MECOM: variants seen among roughly 807,000 people sequenced by gnomAD.
MECOM encodes the protein MDS1 and EVI1 complex locus.
MECOM carries 13 observed loss-of-function variants against 116.3 expected under a neutral mutation model. That is an observed-to-expected ratio of 0.11 (90% CI 0.07 to 0.18). MECOM has a LOEUF of 0.18. Among genes scored for constraint, MECOM ranks in the 10% least tolerant of loss-of-function variants. The pLI is 1.00. For missense variants in MECOM, 1,299 were observed against 1,509.0 expected (o/e 0.86, Z 2.31); for synonymous variants, 528 against 535.2 (o/e 0.99, Z 0.19).
At chr3:169,189,253 G>T (rs1416196321) in intron 2 of MECOM, among the ~76,000 whole-genome samples, 1 of 151,954 alleles carries the variant, frequency 6.6e-6, no homozygotes, top group Admixed American at 6.6e-5. Flanking sequence ...TGACTCTTTT[G>T]CTTGCACTAA....
chr3:169,320,884 G>A (rs1205093266), intron 2 of MECOM, among the ~76,000 whole-genome samples: 1 of 152,150 alleles, frequency 6.6e-6, no homozygotes, highest in Admixed American at 6.5e-5. Flanking sequence ...GCCCTTTTGT[G>A]AGCATATATT....
At chr3:169,195,210 A>G (rs1052564065) in intron 2 of MECOM, among the ~76,000 whole-genome samples, 1 of 152,088 alleles carries the variant, frequency 6.6e-6, no homozygotes, top group East Asian at 1.9e-4. Context: ...ATGTTCCATT[A>G]TAATTAAACA....
chr3:169,603,643 T>C (rs192527187), intron 1 of MECOM, among the ~76,000 whole-genome samples: 147 of 152,338 alleles, frequency 9.6e-4, no homozygotes, highest in Non-Finnish European at 1.6e-3. Context: ...ATTTTTACTA[T>C]ACATTTTCTA....
rs115399122 is a variant in MECOM, at chr3:169,607,018, G to A, written c.37+56318C>T. On this transcript the variant is annotated intron_variant, in intron 1 of 16. Coordinates refer to ENST00000651503, the MANE Select transcript of MECOM (RefSeq NM_004991.4). ...GACAGAGAAGGGGAATAGATATTGG[G>A]AGAAAATTTGGAGTCTCCGCCATTT... 8.4e-3 allele frequency among the ~76,000 whole-genome samples: 1,279 copies of A among 152,252 alleles called. 11 individuals carry two copies. Among genetic ancestry groups the A allele is most frequent in the Middle Eastern group, 0.034 (10 of 294 alleles).
At chr3:169,469,050 T>TA (rs1296762160) in intron 1 of MECOM, among the ~76,000 whole-genome samples, 1 of 152,166 alleles carries the variant, frequency 6.6e-6, no homozygotes, top group African/African-American at 2.4e-5. Flanking sequence ...ATTAATATTC[T>TA]AATAGTAAAG....
At chr3:169,236,431 A>G (rs1450002622) in intron 2 of MECOM, among the ~76,000 whole-genome samples, 1 of 152,212 alleles carries the variant, frequency 6.6e-6, no homozygotes, top group Non-Finnish European at 1.5e-5. Flanking sequence ...AACATGAGTA[A>G]ATGAATACAT....
At chr3:169,409,645 A>G (rs1051007373) in intron 1 of MECOM, among the ~76,000 whole-genome samples, 1 of 152,236 alleles carries the variant, frequency 6.6e-6, no homozygotes, top group Non-Finnish European at 1.5e-5. Context: ...TTTTTCAAAT[A>G]GACGCTTTGC....
chr3:169,413,829 C>T (rs1738033867), intron 1 of MECOM, among the ~76,000 whole-genome samples: 1 of 152,192 alleles, frequency 6.6e-6, no homozygotes, highest in Admixed American at 6.5e-5. Context: ...GTCAAACTGC[C>T]TCTCTAGATT....
At chr3:169,534,928 C>A (rs895792513) in intron 1 of MECOM, among the ~76,000 whole-genome samples, 1 of 152,228 alleles carries the variant, frequency 6.6e-6, no homozygotes, top group Admixed American at 6.5e-5. Flanking sequence ...GAGGAAGTTG[C>A]ATGGGCAACC....
intron 1 of MECOM, among the ~76,000 whole-genome samples, chr3:169,527,452 G>A (rs1451423487): frequency 2.0e-5 from 3 of 152,116 alleles, no homozygotes; most frequent in Admixed American, 6.5e-5. Flanking sequence ...GCATCACTAT[G>A]GACTACTTAA....
intron 1 of MECOM, among the ~76,000 whole-genome samples, chr3:169,383,729 G>A (rs1386739562): frequency 6.6e-6 from 1 of 152,158 alleles, no homozygotes; most frequent in Admixed American, 6.5e-5. Flanking sequence ...GTGTCTGCAG[G>A]TAAAGTATAA....
At chr3:169,113,636 C>T (rs1245837257) in intron 8 of MECOM, among the ~76,000 whole-genome samples, 2 of 151,710 alleles carry the variant, frequency 1.3e-5, no homozygotes, top group African/African-American at 4.8e-5. Flanking sequence ...TTGTATTAAG[C>T]ACATAGGGAA....
At chr3:169,392,329 G>A (rs1734345658) in intron 1 of MECOM, among the ~76,000 whole-genome samples, 1 of 152,298 alleles carries the variant, frequency 6.6e-6, no homozygotes, top group Middle Eastern at 3.4e-3. Flanking sequence ...CTAGTTTTGT[G>A]TGAATGCTTC....
At chr3:169,378,447 A>T (rs1342954361) in intron 2 of MECOM, among the ~76,000 whole-genome samples, 1 of 76,396 alleles carries the variant, frequency 1.3e-5, no homozygotes, top group Non-Finnish European at 2.3e-5. Flanking sequence ...GAAAGAAAGA[A>T]AGAAGGAAAG....
chr3:169,392,659 C>T (rs535805469), intron 1 of MECOM, among the ~76,000 whole-genome samples: 35 of 152,056 alleles, frequency 2.3e-4, no homozygotes, highest in African/African-American at 8.4e-4. Context: ...TAAAATAAGG[C>T]CTAAGATGAG....
At chr3:169,123,148 T>C (rs1307419469) in intron 5 of MECOM, among the ~76,000 whole-genome samples, 3 of 151,680 alleles carry the variant, frequency 2.0e-5, no homozygotes, top group African/African-American at 4.8e-5. Context: ...AAGTGAGTAT[T>C]AAGCTCACTT....
At chr3:169,559,754 G>T (rs1346824668) in intron 1 of MECOM, among the ~76,000 whole-genome samples, 2 of 152,106 alleles carry the variant, frequency 1.3e-5, no homozygotes. Flanking sequence ...AACTAGATTT[G>T]AAACCAGGGC....
chr3:169,177,251 T>G (rs1286237437), intron 2 of MECOM, among the ~76,000 whole-genome samples: 1 of 152,050 alleles, frequency 6.6e-6, no homozygotes, highest in Non-Finnish European at 1.5e-5. Context: ...ATAAAGAAAA[T>G]GTGGTACATA....
intron 2 of MECOM, among the ~76,000 whole-genome samples, chr3:169,293,796 T>C (rs1715069834): frequency 1.3e-5 from 2 of 152,220 alleles, no homozygotes; most frequent in South Asian, 2.1e-4. Context: ...ATTCAGCTTA[T>C]ATTTATTGAA....
Sources: allele counts gnomAD v4.1 joint callset (sites outside exome capture counted in the v4.1 genomes callset), GRCh38; gene constraint gnomAD v4.1.1; transcripts MANE v1.5; gene names NCBI Gene and HGNC (gene_info 2026-07-23, HGNC 2026-07-21).